The following MXRA5 variants were observed in gnomAD, a reference collection of about 807,000 sequenced individuals.
The protein encoded by MXRA5 is matrix remodeling associated 5, also known as matrix-remodeling-associated protein 5.
MXRA5 carries 41 observed loss-of-function variants against 112.5 expected under a neutral mutation model. The ratio of observed to expected loss-of-function variants is 0.36; its 90% CI spans 0.28 to 0.47. The LOEUF is 0.47. Among genes scored for constraint, MXRA5 ranks in the 20% least tolerant of loss-of-function variants. MXRA5 has a pLI of 0.99. For synonymous variants in MXRA5, 862 were observed against 900.8 expected, an observed-to-expected ratio of 0.96 and a Z score of 0.77; for missense variants, 2,150 against 2,251.0, an observed-to-expected ratio of 0.96 and a Z score of 0.91.
chrX:3,333,105 C>G (rs1454119218), intron 2 of MXRA5, among the ~76,000 whole-genome samples: 1 of 108,641 alleles, frequency 9.2e-6, no homozygotes, highest in Non-Finnish European at 1.9e-5. Context: ...GAGTTCAAGA[C>G]CAGCCTGGGC....
In MXRA5 at chrX:3,317,286, C is replaced by T. The variant is rs927390208; in HGVS notation, c.6395G>A (p.Arg2132His). Reference sequence around the variant, plus strand: ...CTGCACGTTCAGCTGCACCGTCCTGCGCGCGGAGCCTACCAGGTTGGCGGC... The same window carrying T: ...CTGCACGTTCAGCTGCACCGTCCTGTGCGCGGAGCCTACCAGGTTGGCGGC... Reference protein sequence around the residue: ...CVAANLVGSARRTVQLNVQRA... With the variant: ...CVAANLVGSAHRTVQLNVQRA... Residue 2132 changes from arginine to histidine, a missense_variant, in exon 6 of 7, where the codon CGC (arginine) becomes CAC (histidine). This residue lies in a region of MXRA5 where 1,485 missense variants were observed against 1,471.6 expected (regional missense o/e 1.01). Transcript: ENST00000217939. 4 of 1,205,348 alleles carry T rather than the reference C, an allele frequency of 3.3e-6. No individual in the cohort carries two copies. The highest frequency in any genetic ancestry group is 4.4e-5 in the Admixed American group (2 of 45,765).
intron 4 of MXRA5, among the ~76,000 whole-genome samples, chrX:3,329,223 AG>A (rs1846243608): frequency 1.1e-5 from 1 of 92,982 alleles, no homozygotes; most frequent in Non-Finnish European, 2.2e-5. Flanking sequence ...GGAAGGAAGG[AG>A]AGCAGGAAGG....
At position 3,323,941 on chromosome X, in the gene MXRA5, T is replaced by C; in HGVS notation, c.1744A>G (p.Lys582Glu). The change falls in exon 5 of 7, where the codon AAA (lysine) becomes GAA (glutamate). Residue 582 changes from lysine (K) to glutamate (E), a missense_variant. Physicochemically the swap from Lys to Glu is moderately conservative, Grantham distance 56. Around this residue, in one of 6 missense-constraint regions of MXRA5, gnomAD observed 1,485 missense variants for 1,471.6 expected, o/e 1.01. Coordinates refer to ENST00000217939, the MANE Select transcript of MXRA5 (RefSeq NM_015419.4). ...VQSPSTQPAEKDTVTIGKNPG... is the reference protein window; with the variant it reads ...VQSPSTQPAEEDTVTIGKNPG... The stretch of plus-strand genomic sequence containing the variant: ...TTCTTGCCAATTGTCACTGTGTCTT[T>C]CTCGGCTGGCTGAGTGGAGGGAGAC... The C allele has an allele frequency of 8.3e-7, 1 of 1,206,488 alleles. No homozygotes were observed. Among genetic ancestry groups the C allele is most frequent in the Non-Finnish European group, 1.1e-6 (1 of 892,678 alleles).
intron 2 of MXRA5, among the ~76,000 whole-genome samples, chrX:3,341,214 AAT>A (rs1208269522): frequency 8.0e-5 from 4 of 50,249 alleles, no homozygotes; most frequent in Non-Finnish European, 1.4e-4. Context: ...AATATATAAT[AAT>A]ATATATAATG....
rs753150083 is a variant in MXRA5, at chrX:3,311,630, G to GA, written c.6579-7dup. On this transcript the variant is annotated splice_region_variant and splice_polypyrimidine_tract_variant and intron_variant, in intron 6 of 6. Coordinates refer to ENST00000217939, the MANE Select transcript of MXRA5 (RefSeq NM_015419.4). The stretch of plus-strand genomic sequence containing the variant: ...CCTTGATTCTGCTATCAAAACTACA[G>GA]AAAAAAAGAAAAAGGAGTAAGATGT... 244 of 1,177,827 alleles carry GA rather than the reference G, an allele frequency of 2.1e-4. No individual in the cohort carries two copies. The Middle Eastern group carries it at 3.1e-3, about 15-fold the overall frequency.
intron 6 of MXRA5, among the ~76,000 whole-genome samples, chrX:3,316,038 AGAGGG>A (rs1921109532): frequency 5.3e-5 from 1 of 18,693 alleles, no homozygotes. Context: ...ATCCGAGTTT[AGAGGG>A]ACAAAATTTC....
chrX:3,311,477 C>T lies in MXRA5; in HGVS notation c.6726G>A (p.Pro2242=), dbSNP rs182612819. 119 of 1,209,830 alleles carry T rather than the reference C, an allele frequency of 9.8e-5. No individual in the cohort carries two copies. Among genetic ancestry groups the T allele is most frequent in the Middle Eastern group, 6.9e-4 (3 of 4,349 alleles). ...VVLKVDVVMK[P]AKIEHKEEND... The stretch of plus-strand genomic sequence containing the variant: ...TCTCCTCCTTGTGTTCAATCTTGGC[C>T]GGTTTCATCACCACATCCACTTTGA... The change falls in exon 7 of 7, where the codon CCG becomes CCA. Residue 2242 remains proline (P), a synonymous_variant. Transcript: ENST00000217939.
intron 2 of MXRA5, among the ~76,000 whole-genome samples, chrX:3,332,466 G>A (rs1278667466): frequency 9.1e-6 from 1 of 110,047 alleles, no homozygotes; most frequent in Non-Finnish European, 1.9e-5. Context: ...GGATGGTCTC[G>A]ATCTCCTGAC....
rs767283500 is a variant in MXRA5 at position 3,322,950 on chromosome X, G to T, written c.2735C>A (p.Thr912Lys). The change falls in exon 5 of 7, where the codon ACA (threonine) becomes AAA (lysine). Residue 912 changes from threonine to lysine, a missense_variant. Physicochemically the swap from Thr to Lys is moderately conservative, Grantham distance 78. Around this residue, in one of 6 missense-constraint regions of MXRA5, gnomAD observed 1,485 missense variants for 1,471.6 expected, o/e 1.01. Coordinates refer to ENST00000217939, the MANE Select transcript of MXRA5 (RefSeq NM_015419.4). ...EGDLKGTAAP[T>K]LISEPYEPSP... ...TGGTTCATAAGGCTCAGATATAAGT[G>T]TAGGGGCTGCTGTCCCCTTCAGGTC... 3 of 1,211,473 alleles carry T rather than the reference G, an allele frequency of 2.5e-6. No homozygotes were observed. Among genetic ancestry groups the T allele is most frequent in the South Asian group, 1.8e-5 (1 of 56,916 alleles).
At position 3,330,738 on chromosome X, in the gene MXRA5, A is replaced by G. The variant is rs1254395861; in HGVS notation, c.224T>C (p.Phe75Ser). 1.7e-6 allele frequency: 2 copies of G among 1,206,632 alleles called. No individual in the cohort carries two copies. The highest frequency in any genetic ancestry group is 2.2e-6 in the Non-Finnish European group (2 of 892,055). ...TAGCTCCAACTTGGTCAGTCCTGCA[A>G]ATGAGGTTTCTGACAGGGCCTGTAT... The part of the protein sequence containing the change: ...NSIQALSETS[F>S]AGLTKLELLM... Residue 75 changes from phenylalanine to serine, a missense_variant, in exon 3 of 7, where the codon TTT (phenylalanine) becomes TCT (serine). Transcript: ENST00000217939.
Position 3,317,917 on chromosome X carries a change from C to G in MXRA5, c.5764G>C (p.Asp1922His). 3 of 1,211,428 alleles carry G rather than the reference C, an allele frequency of 2.5e-6. No individual in the cohort carries two copies. Among genetic ancestry groups the G allele is most frequent in the Non-Finnish European group, 3.4e-6 (3 of 895,357 alleles). ...TLVIRKVQVQ[D>H]RGQYMCTASN... is the part of the protein sequence containing the mutation. ...GCGGTGCACATATACTGGCCTCGAT[C>G]TTGTACTTGAACCTTCCGTATCACT... The change falls in exon 6 of 7, where the codon GAT (aspartate) becomes CAT (histidine). Residue 1922 changes from aspartate (D) to histidine (H), a missense_variant. Asp to His is a moderately conservative substitution (Grantham distance 81). This residue lies in a region of MXRA5 where 1,485 missense variants were observed against 1,471.6 expected (regional missense o/e 1.01). Transcript: ENST00000217939.
Position 3,317,501 on chromosome X carries a change from G to A in MXRA5, c.6180C>T (p.Pro2060=), listed in dbSNP as rs1489291028. Residue 2060 remains proline, a synonymous_variant, in exon 6 of 7, where the codon CCC becomes CCT. Coordinates refer to ENST00000217939, the MANE Select transcript of MXRA5 (RefSeq NM_015419.4). ...AGTGAATGTGAATGCTGAGCCCCGG[G>A]GGCAGCGAGATGTTCTCCAGCTTCT... is the stretch of plus-strand genomic sequence containing the variant. ...HQEKLENISL[P]PGLSIHIHCT... The A allele has an allele frequency of 2.5e-6, 3 of 1,197,249 alleles. No individual in the cohort carries two copies. Among genetic ancestry groups the A allele is most frequent in the Non-Finnish European group, 3.4e-6 (3 of 888,933 alleles).
chrX:3,313,538 G>T (rs1921021172), intron 6 of MXRA5, among the ~76,000 whole-genome samples: 1 of 112,136 alleles, frequency 8.9e-6, no homozygotes, highest in African/African-American at 3.2e-5. Flanking sequence ...GGGATTACAG[G>T]TGTGAGCCAC....
At position 3,309,775 on chromosome X, in the gene MXRA5, A is replaced by G; in HGVS notation, c.8428T>C (p.Cys2810Arg). ...ATQRDAGFYK[C>R]MAKNILGSDS... ...CTGCCGAGAATGTTTTTTGCCATGC[A>G]CTTGTAGAAGCCGGCATCTCTCTGT... The change falls in exon 7 of 7, where the codon TGC (cysteine) becomes CGC (arginine). Residue 2810 changes from cysteine (C) to arginine (R), a missense_variant. Coordinates refer to ENST00000217939, the MANE Select transcript of MXRA5 (RefSeq NM_015419.4). The G allele has an allele frequency of 8.3e-7, 1 of 1,211,401 alleles. No individual in the cohort carries two copies. The highest frequency in any genetic ancestry group is 3.0e-5 in the East Asian group (1 of 33,813).
rs1191143524 is a variant in MXRA5 at position 3,315,379 on chromosome X, TA to T, written c.6578+1723del. Among the ~76,000 whole-genome samples the T allele has an allele frequency of 1.5e-4, 6 of 41,339 alleles. 2 individuals carry two copies. Among genetic ancestry groups the T allele is most frequent in the African/African-American group, 5.6e-4 (6 of 10,680 alleles). The allele number at this position is 41,339 out of a possible 115,157, so 35.9% of individuals were successfully genotyped here. A position where few individuals can be genotyped will look rare whatever the true frequency, so the allele number is the denominator to read the frequency against. The stretch of plus-strand genomic sequence containing the variant: ...TAGATAGATAGATAGATAGAATAGA[TA>T]GATAGATAGATGATAGATAGATAGA... On this transcript the variant is annotated intron_variant, in intron 6 of 6. Coordinates refer to ENST00000217939, the MANE Select transcript of MXRA5 (RefSeq NM_015419.4).
intron 2 of MXRA5, among the ~76,000 whole-genome samples, chrX:3,342,660 T>C (rs1274639506): frequency 8.9e-6 from 1 of 112,158 alleles, no homozygotes; most frequent in Non-Finnish European, 1.9e-5. Flanking sequence ...CCCTCAACGT[T>C]TCATTCTCTT....
rs772781660 is a variant in MXRA5 at position 3,322,914 on chromosome X, A to G, written c.2771T>C (p.Leu924Pro). 1.3e-5 allele frequency: 16 copies of G among 1,209,334 alleles called. 1 individual carries two copies. In the East Asian group the frequency reaches 3.3e-4, roughly 25 times the overall value. ...TTCATAGACTGTGTCTAATGTGTGC[A>G]GAGTAGGAGATGGTTCATAAGGCTC... ...ISEPYEPSPTLHTLDTVYEKP... is the reference protein window; with the variant it reads ...ISEPYEPSPTPHTLDTVYEKP... Residue 924 changes from leucine to proline, a missense_variant, in exon 5 of 7, where the codon CTG becomes CCG. By Grantham distance (98) the Leu-to-Pro change is moderately conservative (BLOSUM62 -3). Coordinates refer to ENST00000217939, the MANE Select transcript of MXRA5 (RefSeq NM_015419.4).
At chrX:3,312,786 G>A (rs1359582345) in intron 6 of MXRA5, among the ~76,000 whole-genome samples, 2 of 110,869 alleles carry the variant, frequency 1.8e-5, no homozygotes, top group Non-Finnish European at 3.8e-5. Context: ...TCCAGACTGA[G>A]TTTGAACTCC....
At chrX:3,329,112 AGGAGT>A (rs1921585558) in intron 4 of MXRA5, among the ~76,000 whole-genome samples, 2 of 94,341 alleles carry the variant, frequency 2.1e-5, no homozygotes, top group Non-Finnish European at 4.2e-5. Flanking sequence ...GAGACAAGGA[AGGAGT>A]AAAGGAGGGA....
Sources: gnomAD v4.1 joint callset for allele counts (sites outside exome capture counted in the v4.1 genomes callset) on GRCh38, gnomAD v4.1.1 for gene constraint, gnomAD v4.1.1 regional missense constraint, MANE v1.5 for transcripts, NCBI Gene and HGNC (gene_info 2026-07-23, HGNC 2026-07-21) for gene names.